PRTG: variants seen among roughly 807,000 people sequenced by gnomAD.
The protein encoded by PRTG is protogenin, also known as immunoglobulin superfamily, DCC subclass, member 5.
A neutral mutation model predicts 122.5 loss-of-function variants in PRTG; 67 were observed. The observed-to-expected ratio is 0.55, with a 90% confidence interval of 0.45 to 0.67. The LOEUF (loss-of-function observed/expected upper bound fraction) is 0.67, where lower values mean the gene tolerates loss of function less well. Ranked by LOEUF, PRTG falls within the 30% of genes least tolerant of loss-of-function variation. The pLI, the probability that PRTG is intolerant of heterozygous loss-of-function variation, is 0.00. For missense variants in PRTG, 1,435 were observed against 1,415.4 expected (o/e 1.01, Z -0.22); for synonymous variants, 554 against 501.1 (o/e 1.11, Z -1.41).
At chr15:55,671,183 G>A (rs1279018544) in intron 11 of PRTG, among the ~76,000 whole-genome samples, 1 of 152,160 alleles carries the variant, frequency 6.6e-6, no homozygotes, top group Admixed American at 6.5e-5. Flanking sequence ...ATCTAATGCT[G>A]CTCACACAGC....
chr15:55,685,279 T>C (rs980645594), intron 2 of PRTG, among the ~76,000 whole-genome samples: 1 of 152,158 alleles, frequency 6.6e-6, no homozygotes, highest in East Asian at 1.9e-4. Context: ...CATTTATCTG[T>C]AGATAGATCA....
chr15:55,684,918 T>C (rs541212055), intron 2 of PRTG, among the ~76,000 whole-genome samples: 15 of 152,262 alleles, frequency 9.9e-5, no homozygotes, highest in African/African-American at 3.6e-4. Flanking sequence ...GAGATCAATC[T>C]TGAAGGGTTG....
chr15:55,655,392 T>A (rs1291627409), intron 11 of PRTG: 1 of 152,152 alleles, frequency 6.6e-6, no homozygotes, highest in African/African-American at 2.4e-5. Flanking sequence ...GCATATAGAA[T>A]TAAACCAAAA....
rs2031674826 is a variant in PRTG at position 55,743,104 on chromosome 15, G to T, written c.-173C>A. 3.1e-6 allele frequency: 4 copies of T among 1,278,858 alleles called. No homozygotes were observed. The highest frequency in any genetic ancestry group is 3.3e-5 in the East Asian group (1 of 30,390). 79.2% of individuals were successfully genotyped at this position (1,278,858 alleles called of 1,614,324 possible). ...GCGGCGGCGAGGCTGGTGCTCGGAC[G>T]GCCGCTCGCGAGAAGCAAGGGGCCT... On this transcript the variant is annotated 5_prime_UTR_variant, in exon 1 of 20. Coordinates refer to ENST00000389286, the MANE Select transcript of PRTG (RefSeq NM_173814.6).
chr15:55,629,371 A>ATGTGTGTGTGTGTGTGTGTGTG (rs1457708289), intron 15 of PRTG, among the ~76,000 whole-genome samples: 1 of 35,538 alleles, frequency 2.8e-5, no homozygotes, highest in African/African-American at 8.5e-5. Flanking sequence ...ATATATATAT[A>ATGTGTGTGTGTGTGTGTGTGTG]TATATGTGTG....
chr15:55,693,291 T>C (rs1226741902), intron 2 of PRTG, among the ~76,000 whole-genome samples: 1 of 152,100 alleles, frequency 6.6e-6, no homozygotes, highest in Non-Finnish European at 1.5e-5. Context: ...ACCCTGTCTC[T>C]ACTAAAAACA....
At chr15:55,661,631 C>G (rs1228454252) in intron 11 of PRTG, among the ~76,000 whole-genome samples, 3 of 152,092 alleles carry the variant, frequency 2.0e-5, no homozygotes, top group Non-Finnish European at 4.4e-5. Flanking sequence ...TGAATCACAG[C>G]AAGCTAATTT....
At chr15:55,734,802 G>C (rs936238650) in intron 2 of PRTG, among the ~76,000 whole-genome samples, 15 of 152,078 alleles carry the variant, frequency 9.9e-5, no homozygotes, top group African/African-American at 3.6e-4. Context: ...TCAGATTAGT[G>C]TCAGAGACCT....
rs9920076 is a variant in PRTG at position 55,653,183 on chromosome 15, T to C, written c.2042-11975A>G. ...GAGTATAAAATAGACAGAACGGCAG[T>C]TGGAGGGGTCAGTCCTTCACTTCTC... On this transcript the variant is annotated intron_variant, in intron 11 of 19. Transcript: ENST00000389286. Among the ~76,000 whole-genome samples, 12 of 151,960 alleles carry C rather than the reference T, an allele frequency of 7.9e-5. No homozygotes were observed. In the South Asian group the frequency reaches 1.7e-3, roughly 21 times the overall value.
rs772996368 is a variant in PRTG at position 55,624,446 on chromosome 15, AG to A, written c.2988del (p.Ser997ProfsTer2). Reference sequence around the variant, plus strand: ...CCTACCTCATTTCCACTAGCTAAGGAGGCACTGGTACGAGGTAACTGTTGAG... The same window carrying A: ...CCTACCTCATTTCCACTAGCTAAGGAGCACTGGTACGAGGTAACTGTTGAG... ...NGTQQLPRTS[A>X]SLASGNEVGK... On this transcript the variant is annotated frameshift_variant, in exon 18 of 20. Transcript: ENST00000389286. LOFTEE classifies it high-confidence loss of function. 1 of 1,613,924 alleles carries A rather than the reference AG, an allele frequency of 6.2e-7. No homozygotes were observed.
chr15:55,669,739 GC>G (rs1420673436), intron 11 of PRTG, among the ~76,000 whole-genome samples: 3 of 152,206 alleles, frequency 2.0e-5, no homozygotes, highest in Non-Finnish European at 4.4e-5. Context: ...AGTCATTCCA[GC>G]CGTGACTTGG....
Position 55,742,333 on chromosome 15 carries a change from C to T in PRTG, c.94+505G>A, listed in dbSNP as rs73410256. The T allele has an allele frequency of 8.6e-3, 1,319 of 153,030 alleles. 24 individuals are homozygous for T. The highest frequency in any genetic ancestry group is 0.03 in the African/African-American group (1,265 of 41,604). The allele number at this position is 153,030 out of a possible 1,614,324, so 9.5% of individuals were successfully genotyped here. On this transcript the variant is annotated intron_variant, in intron 1 of 19. Coordinates refer to ENST00000389286, the MANE Select transcript of PRTG (RefSeq NM_173814.6). Reference sequence around the variant, plus strand: ...GAGTTCACCTATTCCCTCTCGCAGCCCTAAAAAGTGGGGGAACTCCCACAA... The same window carrying T: ...GAGTTCACCTATTCCCTCTCGCAGCTCTAAAAAGTGGGGGAACTCCCACAA...
chr15:55,641,832 C>T (rs1265247003), intron 11 of PRTG, among the ~76,000 whole-genome samples: 1 of 152,104 alleles, frequency 6.6e-6, no homozygotes, highest in Non-Finnish European at 1.5e-5. Context: ...TATCACGATA[C>T]TAAAACTAAA....
At chr15:55,701,352 T>C (rs1187260071) in intron 2 of PRTG, among the ~76,000 whole-genome samples, 1 of 152,120 alleles carries the variant, frequency 6.6e-6, no homozygotes, top group Non-Finnish European at 1.5e-5. Context: ...CAGGCCAAGA[T>C]GGTAAAACTC....
chr15:55,711,892 C>A (rs1009189664), intron 2 of PRTG, among the ~76,000 whole-genome samples: 1 of 152,010 alleles, frequency 6.6e-6, no homozygotes, highest in South Asian at 2.1e-4. Context: ...AGGATATTGC[C>A]CCAATTTTAA....
chr15:55,678,953 C>T (rs2059520501), intron 7 of PRTG, among the ~76,000 whole-genome samples: 1 of 152,122 alleles, frequency 6.6e-6, no homozygotes, highest in African/African-American at 2.4e-5. Context: ...GAAGAAGGAA[C>T]TAAGACCCCA....
At position 55,616,768 on chromosome 15, in the gene PRTG, T is replaced by C. The variant is rs747595412; in HGVS notation, c.*3244A>G. The C allele has an allele frequency of 3.9e-5, 6 of 152,164 alleles. No individual in the cohort carries two copies. Among genetic ancestry groups the C allele is most frequent in the Non-Finnish European group, 7.4e-5 (5 of 68,000 alleles). 9.4% of individuals were successfully genotyped at this position (152,164 alleles called of 1,614,324 possible). A position where few individuals can be genotyped will look rare whatever the true frequency, so the allele number is the denominator to read the frequency against. ...GTACTTGAATAAAAACACTGATAAA[T>C]ACCAATATAATTGTATTGCTTTTAA... On this transcript the variant is annotated 3_prime_UTR_variant, in exon 20 of 20. Transcript: ENST00000389286.
chr15:55,655,353 C>T (rs932678977), intron 11 of PRTG: 1 of 152,068 alleles, frequency 6.6e-6, no homozygotes, highest in African/African-American at 2.4e-5. Context: ...GTTTTCAACA[C>T]GTATGACACA....
chr15:55,695,770 G>T (rs1047977063), intron 2 of PRTG, among the ~76,000 whole-genome samples: 1 of 152,176 alleles, frequency 6.6e-6, no homozygotes, highest in South Asian at 2.1e-4. Context: ...CTTGAGCTCA[G>T]GAGTTGCCTG....
Sources: allele counts gnomAD v4.1 joint callset (sites outside exome capture counted in the v4.1 genomes callset), GRCh38; gene constraint gnomAD v4.1.1; transcripts MANE v1.5; gene names NCBI Gene and HGNC (gene_info 2026-07-23, HGNC 2026-07-21).